Variants in RIMS3 observed in about 807,000 individuals in gnomAD.
RIMS3 encodes regulating synaptic membrane exocytosis protein 3.
Under a neutral mutation model 29.2 loss-of-function variants are expected in RIMS3, and 15 were observed. The ratio of observed to expected loss-of-function variants is 0.51; its 90% CI spans 0.34 to 0.79. RIMS3 has a LOEUF of 0.79. Ranked by LOEUF, RIMS3 falls within the 30% of genes least tolerant of loss-of-function variation. The pLI, the probability that RIMS3 is intolerant of heterozygous loss-of-function variation, is 0.01. For missense variants in RIMS3, 342 were observed against 421.4 expected, an observed-to-expected ratio of 0.81 and a Z score of 1.65; for synonymous variants, 161 against 170.1, an observed-to-expected ratio of 0.95 and a Z score of 0.41.
the RIMS3 span, among the ~76,000 whole-genome samples, chr1:40,680,336 T>G: frequency 9.2e-4 from 138 of 150,692 alleles, 2 homozygotes; most frequent in East Asian, 0.011. Context: ...AATAGTTTTT[T>G]TTTTTTTTTT....
the RIMS3 span, among the ~76,000 whole-genome samples, chr1:40,689,018 T>C: frequency 1.3e-5 from 2 of 152,236 alleles, no homozygotes; most frequent in Non-Finnish European, 2.9e-5. Flanking sequence ...GCTAATTTCA[T>C]GGTTGTATTA....
chr1:40,639,781 T>C (rs1203067851), intron 3 of RIMS3, among the ~76,000 whole-genome samples: 1 of 152,022 alleles, frequency 6.6e-6, no homozygotes, highest in Non-Finnish European at 1.5e-5. Flanking sequence ...GCGTACTAGA[T>C]GATCTCAAGG....
chr1:40,657,846 G>A (rs1642293183), intron 1 of RIMS3, among the ~76,000 whole-genome samples: 1 of 151,752 alleles, frequency 6.6e-6, no homozygotes, highest in Non-Finnish European at 1.5e-5. Context: ...AGTTGAGACT[G>A]CAGTGAGCTG....
rs1416125857 is a variant in RIMS3 at position 40,636,005 on chromosome 1, G to A, written c.270C>T (p.Gly90=). ...CCCGGCTCCGCATCTCCACCGCGAT[G>A]CCTGTCTCCGTGCTCCGGCGGATGT... is the stretch of plus-strand genomic sequence containing the variant. ...RSNIRRSTET[G]IAVEMRSRVT... Residue 90 remains glycine (G), a synonymous_variant, in exon 4 of 8, where the codon GGC becomes GGT. Coordinates refer to ENST00000372684, the MANE Select transcript of RIMS3 (RefSeq NM_014747.3). The surrounding 1 kb of genome is among the most constrained non-coding windows in gnomAD (Gnocchi z 4.2). 1 of 1,609,122 alleles carries A rather than the reference G, an allele frequency of 6.2e-7. No individual in the cohort carries two copies. The highest frequency in any genetic ancestry group is 8.5e-7 in the Non-Finnish European group (1 of 1,179,976).
chr1:40,673,959 C>T, the RIMS3 span, among the ~76,000 whole-genome samples: 6 of 152,024 alleles, frequency 3.9e-5, no homozygotes, highest in Admixed American at 1.3e-4. Flanking sequence ...GACTGGTATA[C>T]GTACCAGTCA....
chr1:40,683,688 T>C, the RIMS3 span, among the ~76,000 whole-genome samples: 4 of 152,242 alleles, frequency 2.6e-5, no homozygotes, highest in Non-Finnish European at 4.4e-5. Flanking sequence ...TTCAATTTCT[T>C]GGTTGCACTA....
chr1:40,643,396 G>A (rs1646573031), intron 2 of RIMS3, among the ~76,000 whole-genome samples: 1 of 151,848 alleles, frequency 6.6e-6, no homozygotes, highest in African/African-American at 2.4e-5. Flanking sequence ...GCCTTTCAAA[G>A]TGCTGGGATT....
the RIMS3 span, among the ~76,000 whole-genome samples, chr1:40,688,819 G>A: frequency 4.6e-5 from 7 of 152,178 alleles, no homozygotes; most frequent in African/African-American, 1.7e-4. Context: ...CCATGGCTGA[G>A]CAAGCCCTTT....
chr1:40,650,853 CAGACTCTGTCAAA>C (rs1328746304), intron 1 of RIMS3, among the ~76,000 whole-genome samples: 2 of 100,384 alleles, frequency 2.0e-5, no homozygotes, highest in Non-Finnish European at 3.6e-5. Flanking sequence ...ATGACAGAGC[CAGACTCTGTCAAA>C]AAAAAAAAAA....
chr1:40,682,741 C>CT, the RIMS3 span, among the ~76,000 whole-genome samples: 114 of 77,518 alleles, frequency 1.5e-3, 15 homozygotes, highest in East Asian at 4.7e-3. Context: ...CTTTGCAGAT[C>CT]TTTTTTTTTT....
intron 5 of RIMS3, 54 bp downstream of exon 5, chr1:40,633,015 T>C: frequency 7.0e-7 from 1 of 1,420,594 alleles, no homozygotes; most frequent in Non-Finnish European, 1.0e-6. Context: ...GAGCTCACCC[T>C]TCCTGTCGCA....
the RIMS3 span, among the ~76,000 whole-genome samples, chr1:40,686,374 C>A: frequency 6.6e-6 from 1 of 151,892 alleles, no homozygotes; most frequent in Non-Finnish European, 1.5e-5. Context: ...TTAATTTGGC[C>A]GGGCACAGTG....
intron 1 of RIMS3, among the ~76,000 whole-genome samples, chr1:40,662,011 T>C (rs1642360004): frequency 6.6e-6 from 1 of 152,208 alleles, no homozygotes; most frequent in African/African-American, 2.4e-5. Flanking sequence ...CCGAGGCTGC[T>C]GCACAGGGAA....
chr1:40,620,921 T>A lies in RIMS3; in HGVS notation c.*5596A>T, dbSNP rs1403974136. On this transcript the variant is annotated 3_prime_UTR_variant, in exon 8 of 8. Coordinates refer to ENST00000372684, the MANE Select transcript of RIMS3 (RefSeq NM_014747.3). ...GCTTCTTATCTAAACAGTGTGCTTG[T>A]CAGTCCCTATCAGCTATCTCTCTCT... The A allele has an allele frequency of 2.0e-5, 3 of 152,668 alleles. No homozygotes were observed. The highest frequency in any genetic ancestry group is 2.9e-5 in the Non-Finnish European group (2 of 68,060). 9.5% of individuals were successfully genotyped at this position (152,668 alleles called of 1,614,324 possible).
At chr1:40,688,010 G>A in the RIMS3 span, among the ~76,000 whole-genome samples, 3 of 152,152 alleles carry the variant, frequency 2.0e-5, no homozygotes, top group African/African-American at 7.2e-5. Context: ...TGTCACCTAG[G>A]CTAGAGTGCA....
intron 3 of RIMS3, among the ~76,000 whole-genome samples, chr1:40,637,407 C>T (rs953489932): frequency 4.6e-5 from 7 of 152,102 alleles, no homozygotes; most frequent in African/African-American, 1.7e-4. Context: ...AGGAGGAATG[C>T]CTTCTCTGAA....
chr1:40,664,861 ACCAACT>A, intron 1 of RIMS3, among the ~76,000 whole-genome samples: 1 of 152,162 alleles, frequency 6.6e-6, no homozygotes, highest in African/African-American at 2.4e-5. Flanking sequence ...CATGCTGCTG[ACCAACT>A]GCATTCCCAG....
chr1:40,689,532 G>A, the RIMS3 span, among the ~76,000 whole-genome samples: 1 of 151,818 alleles, frequency 6.6e-6, no homozygotes, highest in Non-Finnish European at 1.5e-5. Context: ...CACCCACCTC[G>A]GCCTCCCAAA....
chr1:40,631,324 G>A (rs1018733778), intron 5 of RIMS3, among the ~76,000 whole-genome samples: 7 of 152,114 alleles, frequency 4.6e-5, no homozygotes, highest in African/African-American at 7.2e-5. Flanking sequence ...AGGTAGTACC[G>A]TCATCCCTCA....
Sources: gnomAD v4.1 joint callset for allele counts (sites outside exome capture counted in the v4.1 genomes callset) on GRCh38, gnomAD v4.1.1 for gene constraint, Gnocchi (gnomAD v3.1) non-coding constraint, MANE v1.5 for transcripts, NCBI Gene and HGNC (gene_info 2026-07-23, HGNC 2026-07-21) for gene names.